PKN3: variants seen among roughly 807,000 people sequenced by gnomAD.
The protein encoded by PKN3 is protein kinase N3, also known as serine/threonine-protein kinase N3.
A neutral mutation model predicts 113.1 loss-of-function variants in PKN3; 91 were observed. The ratio of observed to expected loss-of-function variants is 0.80; its 90% CI spans 0.68 to 0.96. The LOEUF is 0.96. PKN3 is among the 40% of genes least tolerant of loss of function. PKN3 has a pLI of 0.00. For missense variants in PKN3, 1,052 were observed against 1,202.2 expected, an observed-to-expected ratio of 0.88 and a Z score of 1.85; for synonymous variants, 467 against 499.0, an observed-to-expected ratio of 0.94 and a Z score of 0.85.
intron 18 of PKN3, 90 bp downstream of exon 18, chr9:128,718,715 TCTC>T (rs755055031): frequency 1.3e-5 from 16 of 1,221,706 alleles, no homozygotes; most frequent in East Asian, 1.2e-4. Context: ...TCCCAGGAAA[TCTC>T]CTCACCTGCG....
intron 16 of PKN3, among the ~76,000 whole-genome samples, 150 bp from the exon 17 acceptor site, chr9:128,718,149 ACCTTGGGACTATTGGAGCACCCCCAC>A (rs1862400619): frequency 6.6e-6 from 1 of 151,942 alleles, no homozygotes; most frequent in Admixed American, 6.6e-5. Context: ...CCTTGGGGCG[ACCTTGGGACTATTGGAGCACCCCCAC>A]CCTCAGCATG....
At chr9:128,717,117 C>CTTTTTTGTTTTTTTTTTTTTTTTTT (rs1862363627) in intron 16 of PKN3, among the ~76,000 whole-genome samples, 194 bp downstream of exon 16, 1 of 24,364 alleles carries the variant, frequency 4.1e-5, no homozygotes, top group Non-Finnish European at 8.1e-5. Flanking sequence ...CATTAGGTTT[C>CTTTTTTGTTTTTTTTTTTTTTTTTT]TTTTTTTTTT....
chr9:128,703,088 C>T (rs1211491801), intron 1 of PKN3, 149 bp downstream of exon 1: 3 of 599,470 alleles, frequency 5.0e-6, no homozygotes, highest in Non-Finnish European at 8.0e-6. Flanking sequence ...CCCCGCGACG[C>T]CCTCGCAGAG....
At chr9:128,714,905 CTGCTTGCTTG>C (rs1564375866) in intron 13 of PKN3, 40 bp downstream of exon 13, 1 of 1,576,256 alleles carries the variant, frequency 6.3e-7, no homozygotes, top group Non-Finnish European at 8.7e-7. Context: ...AGACGTTCGT[CTGCTTGCTTG>C]AACATTTGTG....
chr9:128,713,440 G>A (rs977856863), intron 8 of PKN3, 53 bp downstream of exon 8: 42 of 1,612,704 alleles, frequency 2.6e-5, no homozygotes, highest in Middle Eastern at 3.3e-4. Context: ...GGGGTGGAAG[G>A]CTGCCCAGGT....
intron 6 of PKN3, among the ~76,000 whole-genome samples, chr9:128,709,152 G>A (rs1210489259): frequency 2.0e-5 from 3 of 152,056 alleles, no homozygotes; most frequent in Non-Finnish European, 4.4e-5. Context: ...GGGCGTGGTG[G>A]CGGGCGCCTG....
chr9:128,705,186 C>CGAGT (rs1417965513), intron 1 of PKN3, 117 bp from the exon 2 acceptor site: 28 of 1,316,134 alleles, frequency 2.1e-5, no homozygotes, highest in Non-Finnish European at 2.9e-5. Context: ...AAACCCTGTG[C>CGAGT]GAGTCAGTCC....
In PKN3 at chr9:128,719,990, G is replaced by T; in HGVS notation, c.2349G>T (p.Ser783=). Residue 783 remains serine (S), a synonymous_variant, in exon 20 of 22, where the codon TCG becomes TCT. Transcript: ENST00000291906. The stretch of plus-strand genomic sequence containing the variant: ...ACGCCCCCTACCCCGGCTTTCTGTC[G>T]GTGCAAGGGCTTGAGTTCATTCAGA... ...NMDAPYPGFL[S]VQGLEFIQKL... 6.2e-7 allele frequency: 1 copy of T among 1,614,046 alleles called. No homozygotes were observed. The highest frequency in any genetic ancestry group is 8.5e-7 in the Non-Finnish European group (1 of 1,179,948).
chr9:128,715,575 G>C lies in PKN3; in HGVS notation c.1808+115G>C. On this transcript the variant is annotated intron_variant, in intron 15 of 21. Transcript: ENST00000291906. This position sits in a 1 kb window ranked among gnomAD's most constrained non-coding sequence, Gnocchi z 4.1. Reference sequence around the variant, plus strand: ...GTGACCCCGTGGGGCCAGCCAGCCTGCATTCTCTTTTGGCACCTGCAGTTG... The same window carrying C: ...GTGACCCCGTGGGGCCAGCCAGCCTCCATTCTCTTTTGGCACCTGCAGTTG... 1 of 704,990 alleles carries C rather than the reference G, an allele frequency of 1.4e-6. No homozygotes were observed. The highest frequency in any genetic ancestry group is 2.4e-6 in the Non-Finnish European group (1 of 408,500). The allele number at this position is 704,990 out of a possible 1,614,324, so 43.7% of individuals were successfully genotyped here. A position where few individuals can be genotyped will look rare whatever the true frequency, so the allele number is the denominator to read the frequency against.
In PKN3 at chr9:128,714,673, C is replaced by A; in HGVS notation, c.1584+9C>A. 1.4e-6 allele frequency: 2 copies of A among 1,381,232 alleles called. No homozygotes were observed. Among genetic ancestry groups the A allele is most frequent in the Non-Finnish European group, 2.1e-6 (2 of 968,080 alleles). 85.6% of individuals were successfully genotyped at this position (1,381,232 alleles called of 1,614,324 possible). ...CATCCGAGGAGACTCCGGTGAGGGG[C>A]TGGAGGGACTAGTGGCTCCTAGGGC... On this transcript the variant is annotated intron_variant, in intron 12 of 21. Coordinates refer to ENST00000291906, the MANE Select transcript of PKN3 (RefSeq NM_013355.5).
At position 128,706,728 on chromosome 9, in the gene PKN3, G is replaced by T. The variant is rs781108795; in HGVS notation, c.427G>T (p.Ala143Ser). 1.2e-5 allele frequency: 19 copies of T among 1,584,584 alleles called. No homozygotes were observed. The Admixed American group carries it at 3.4e-4, about 28-fold the overall frequency. The part of the protein sequence containing the change: ...SGTPKERKLL[A>S]AAQQMLRDSQ... ...GGCTCCATAGGAGAGGAAGCTCCTGGCAGCTGCCCAGCAGATGCTGCGGGA... is the reference window on the plus strand; with the variant it reads ...GGCTCCATAGGAGAGGAAGCTCCTGTCAGCTGCCCAGCAGATGCTGCGGGA... Residue 143 changes from alanine to serine, a missense_variant, in exon 4 of 22, where the codon GCA (alanine) becomes TCA (serine). Coordinates refer to ENST00000291906, the MANE Select transcript of PKN3 (RefSeq NM_013355.5).
At chr9:128,717,113 G>GTTTTTTTTTTTTTTTTTTTTTTTTTT (rs1554781180) in intron 16 of PKN3, among the ~76,000 whole-genome samples, 190 bp downstream of exon 16, 4 of 14,440 alleles carry the variant, frequency 2.8e-4, no homozygotes, top group East Asian at 2.1e-3. Flanking sequence ...TGTGCATTAG[G>GTTTTTTTTTTTTTTTTTTTTTTTTTT]TTTCTTTTTT....
intron 6 of PKN3, among the ~76,000 whole-genome samples, chr9:128,711,253 G>T (rs149447922): frequency 6.6e-6 from 1 of 151,250 alleles, no homozygotes. Flanking sequence ...TGATTTGCCC[G>T]CCTTGGCCTC....
intron 11 of PKN3, 71 bp downstream of exon 11, chr9:128,714,436 T>G: frequency 2.2e-5 from 29 of 1,302,564 alleles, no homozygotes; most frequent in Non-Finnish European, 3.1e-5. Context: ...CCAGGCGGTA[T>G]CTGTCTGTCT....
Position 128,708,712 on chromosome 9 carries a change from G to A in PKN3, c.835+1307G>A, listed in dbSNP as rs756776582. Among the ~76,000 whole-genome samples the A allele has an allele frequency of 8.0e-5, 12 of 149,254 alleles. No homozygotes were observed. The East Asian group carries it at 8.1e-4, about 10-fold the overall frequency. On this transcript the variant is annotated intron_variant, in intron 6 of 21. Coordinates refer to ENST00000291906, the MANE Select transcript of PKN3 (RefSeq NM_013355.5). Reference sequence around the variant, plus strand: ...AAAAAAATTAGCCGGGCGTGGTGGCGCATGCCTGTAATCCCATCTACTGGG... The same window carrying A: ...AAAAAAATTAGCCGGGCGTGGTGGCACATGCCTGTAATCCCATCTACTGGG...
At position 128,702,527 on chromosome 9, in the gene PKN3, C is replaced by A; in HGVS notation, c.-389C>A. ...CATCCCTGTCCCTAACTGGCCGGCT[C>A]CCGCGGGCGCGCGGCGGGGAAGGCC... On this transcript the variant is annotated 5_prime_UTR_variant, in exon 1 of 22. Transcript: ENST00000291906. 4.6e-6 allele frequency: 1 copy of A among 218,638 alleles called. No homozygotes were observed. The highest frequency in any genetic ancestry group is 1.0e-4 in the East Asian group (1 of 9,720). 13.5% of individuals were successfully genotyped at this position (218,638 alleles called of 1,614,324 possible).
chr9:128,702,987 C>T, intron 1 of PKN3, 48 bp downstream of exon 1: 1 of 1,282,286 alleles, frequency 7.8e-7, no homozygotes, highest in Non-Finnish European at 1.0e-6. Context: ...GCGAGAAAGC[C>T]TCTGTCATCG....
intron 1 of PKN3, chr9:128,704,140 G>A (rs931352687): frequency 1.0e-6 from 1 of 985,228 alleles, no homozygotes; most frequent in African/African-American, 1.7e-5. Context: ...GTAAGATGGG[G>A]TTCCTGCAAC....
chr9:128,716,596 T>TTAAA, intron 15 of PKN3, 151 bp from the exon 16 acceptor site: 3 of 481,390 alleles, frequency 6.2e-6, no homozygotes, highest in Non-Finnish European at 1.1e-5. Context: ...AGACTGTGTC[T>TTAAA]CAAAAAAAAA....
Sources: gnomAD v4.1 joint callset for allele counts (sites outside exome capture counted in the v4.1 genomes callset) on GRCh38, gnomAD v4.1.1 for gene constraint, Gnocchi (gnomAD v3.1) non-coding constraint, MANE v1.5 for transcripts, NCBI Gene and HGNC (gene_info 2026-07-23, HGNC 2026-07-21) for gene names.